ARHGEF26: variants seen among roughly 807,000 people sequenced by gnomAD.
ARHGEF26 encodes the protein Rho guanine nucleotide exchange factor 26.
Under a neutral mutation model 89.4 loss-of-function variants are expected in ARHGEF26, and 59 were observed. The observed-to-expected ratio is 0.66, with a 90% CI of 0.54 to 0.82. ARHGEF26 has a LOEUF of 0.82. Ranked by LOEUF, ARHGEF26 falls within the 40% of genes least tolerant of loss-of-function variation. The probability of loss-of-function intolerance (pLI) is 0.00; values close to 1 mark genes in which losing one functional copy is unlikely to be tolerated. For missense variants in ARHGEF26, 1,234 were observed against 1,085.6 expected (o/e 1.14, Z -1.92); for synonymous variants, 500 against 428.4 (o/e 1.17, Z -2.06).
chr3:154,187,729 T>C lies in ARHGEF26; in HGVS notation c.1532T>C (p.Ile511Thr), dbSNP rs775941680. Residue 511 changes from isoleucine (I) to threonine (T), a missense_variant, in exon 7 of 15, where the codon ATA becomes ACA. Physicochemically the swap from Ile to Thr is moderately conservative, Grantham distance 89 (BLOSUM62 -1). Transcript: ENST00000465093. ...GCAAGACATCAGAATAATATCTTCATAGATGACATAAGTGACATTGTGGAA... is the reference window on the plus strand; with the variant it reads ...GCAAGACATCAGAATAATATCTTCACAGATGACATAAGTGACATTGTGGAA... The part of the protein sequence containing the change: ...LEARHQNNIF[I>T]DDISDIVEKH... 4.3e-6 allele frequency: 7 copies of C among 1,611,326 alleles called. No individual in the cohort carries two copies. The highest frequency in any genetic ancestry group is 4.5e-5 in the East Asian group (2 of 44,828).
At chr3:154,202,011 A>C (rs1159311627) in intron 9 of ARHGEF26, among the ~76,000 whole-genome samples, 2 of 152,120 alleles carry the variant, frequency 1.3e-5, no homozygotes, top group Non-Finnish European at 2.9e-5. Context: ...TAGTTTAATT[A>C]GATCCCATTT....
At chr3:154,179,554 A>T (rs905478156) in intron 6 of ARHGEF26, among the ~76,000 whole-genome samples, 1 of 152,208 alleles carries the variant, frequency 6.6e-6, no homozygotes, top group Non-Finnish European at 1.5e-5. Context: ...GGTGAGTGCC[A>T]TGAAGACAGA....
intron 9 of ARHGEF26, among the ~76,000 whole-genome samples, chr3:154,198,657 T>G (rs994598870): frequency 6.6e-6 from 1 of 152,088 alleles, no homozygotes; most frequent in Admixed American, 6.6e-5. Context: ...TGTTCTGACT[T>G]ATAAGTGGGA....
rs1386336870 is a variant in ARHGEF26 at position 154,129,716 on chromosome 3, T to G, written c.1266T>G (p.Ser422=). The G allele has an allele frequency of 6.2e-7, 1 of 1,610,216 alleles. No individual in the cohort carries two copies. Among genetic ancestry groups the G allele is most frequent in the African/African-American group, 1.3e-5 (1 of 74,870 alleles). The part of the protein sequence containing the change: ...KPLRSTWSQL[S]AVKRKGLSQT... ...TGAGATCCACATGGAGCCAACTCTCTGCGGTGAGTGTTTATCTTCTTTTCT... is the reference window on the plus strand; with the variant it reads ...TGAGATCCACATGGAGCCAACTCTCGGCGGTGAGTGTTTATCTTCTTTTCT... Residue 422 remains serine, a synonymous_variant, in exon 4 of 15, where the codon TCT becomes TCG. Transcript: ENST00000465093.
chr3:154,223,214 T>G (rs1391416057), intron 10 of ARHGEF26, among the ~76,000 whole-genome samples: 1 of 152,130 alleles, frequency 6.6e-6, no homozygotes, highest in African/African-American at 2.4e-5. Flanking sequence ...GACAGAAGGC[T>G]TTGCTGGTTG....
chr3:154,137,579 T>C (rs1252517040), intron 4 of ARHGEF26, among the ~76,000 whole-genome samples: 1 of 152,180 alleles, frequency 6.6e-6, no homozygotes, highest in Non-Finnish European at 1.5e-5. Flanking sequence ...CTGGGCTCTG[T>C]ATGTGGTCTT....
chr3:154,166,630 A>G (rs1030795417), intron 6 of ARHGEF26, among the ~76,000 whole-genome samples: 2 of 152,174 alleles, frequency 1.3e-5, no homozygotes, highest in Non-Finnish European at 1.5e-5. Context: ...TTGGCATGGT[A>G]AAAGTTTGAA....
At chr3:154,213,199 C>CAG (rs774428111) in intron 9 of ARHGEF26, among the ~76,000 whole-genome samples, 47 of 65,932 alleles carry the variant, frequency 7.1e-4, no homozygotes, top group Admixed American at 1.8e-3. Context: ...TTACGAGTAA[C>CAG]ATAGAGAGAG....
At chr3:154,157,139 ATG>A (rs1720384849) in intron 6 of ARHGEF26, among the ~76,000 whole-genome samples, 1 of 151,440 alleles carries the variant, frequency 6.6e-6, no homozygotes, top group South Asian at 2.2e-4. Flanking sequence ...TATCAGTAGT[ATG>A]TCTCTGCAAA....
chr3:154,196,365 A>G (rs1714291542), intron 9 of ARHGEF26, among the ~76,000 whole-genome samples: 1 of 152,160 alleles, frequency 6.6e-6, no homozygotes, highest in South Asian at 2.1e-4. Context: ...AGGATACTGT[A>G]TGAGGTTGGC....
intron 4 of ARHGEF26, among the ~76,000 whole-genome samples, chr3:154,133,814 A>T (rs1718833501): frequency 6.6e-6 from 1 of 152,050 alleles, no homozygotes; most frequent in Non-Finnish European, 1.5e-5. Flanking sequence ...AATGATATTC[A>T]TTTTTCCTGT....
At chr3:154,235,869 T>C (rs1244504108) in intron 11 of ARHGEF26, among the ~76,000 whole-genome samples, 2 of 152,242 alleles carry the variant, frequency 1.3e-5, no homozygotes, top group Non-Finnish European at 2.9e-5. Context: ...CTCTTTATTC[T>C]TGTGCTAACT....
intron 11 of ARHGEF26, among the ~76,000 whole-genome samples, chr3:154,230,401 T>A (rs992715071): frequency 6.6e-6 from 1 of 152,200 alleles, no homozygotes; most frequent in African/African-American, 2.4e-5. Context: ...TTTCTTTATG[T>A]TCATTACTTC....
rs755952944 is a variant in ARHGEF26, at chr3:154,122,988, C to A, written c.996C>A (p.Ser332Arg). ...GCTTTGATTTTGACAGTCCTACCAGCTCGAAGAAGAAGAACAGAATGTCCC... is the reference window on the plus strand; with the variant it reads ...GCTTTGATTTTGACAGTCCTACCAGATCGAAGAAGAAGAACAGAATGTCCC... ...VSGFDFDSPT[S>R]SKKKNRMSQP... Residue 332 changes from serine (S) to arginine (R), a missense_variant, in exon 2 of 15, where the codon AGC (serine) becomes AGA (arginine). Ser to Arg is a moderately radical substitution (Grantham distance 110). Coordinates refer to ENST00000465093, the MANE Select transcript of ARHGEF26 (RefSeq NM_015595.4). 2 of 1,613,844 alleles carry A rather than the reference C, an allele frequency of 1.2e-6. No individual in the cohort carries two copies. The highest frequency in any genetic ancestry group is 2.2e-5 in the South Asian group (2 of 91,030).
intron 11 of ARHGEF26, among the ~76,000 whole-genome samples, chr3:154,239,298 GAGTGTGTGTGTGTGT>G (rs1717339988): frequency 2.1e-5 from 1 of 47,906 alleles, no homozygotes; most frequent in Non-Finnish European, 5.1e-5. Context: ...GAGAGAGAGA[GAGTGTGTGTGTGTGT>G]GTGTGTGTGT....
intron 4 of ARHGEF26, among the ~76,000 whole-genome samples, chr3:154,139,822 C>G (rs1359509067): frequency 1.3e-5 from 2 of 152,116 alleles, no homozygotes; most frequent in Non-Finnish European, 2.9e-5. Flanking sequence ...ACTCTAATAT[C>G]TTAATATTAG....
At chr3:154,129,859 T>C (rs1185404087) in intron 4 of ARHGEF26, 140 bp downstream of exon 4, 2 of 1,034,920 alleles carry the variant, frequency 1.9e-6, no homozygotes, top group Non-Finnish European at 2.7e-6. Flanking sequence ...GAAATGTTTC[T>C]CGGAACTCTG....
At chr3:154,142,068 G>A (rs1286012366) in intron 4 of ARHGEF26, among the ~76,000 whole-genome samples, 2 of 152,180 alleles carry the variant, frequency 1.3e-5, no homozygotes, top group African/African-American at 2.4e-5. Flanking sequence ...GAATGCCAAA[G>A]TGAATGACAC....
At chr3:154,179,324 T>C (rs985706863) in intron 6 of ARHGEF26, among the ~76,000 whole-genome samples, 1 of 152,228 alleles carries the variant, frequency 6.6e-6, no homozygotes, top group East Asian at 1.9e-4. Context: ...TGTTCTTTGT[T>C]CAAACTACTC....
Sources: allele counts gnomAD v4.1 joint callset (sites outside exome capture counted in the v4.1 genomes callset), GRCh38; gene constraint gnomAD v4.1.1; transcripts MANE v1.5; gene names NCBI Gene and HGNC (gene_info 2026-07-23, HGNC 2026-07-21).